Variants in NRP2 observed in about 807,000 individuals in gnomAD.
The protein encoded by NRP2 is neuropilin-2.
A neutral mutation model predicts 110.4 loss-of-function variants in NRP2; 52 were observed. That is an observed-to-expected ratio of 0.47 (90% CI 0.38 to 0.59). The LOEUF (loss-of-function observed/expected upper bound fraction) is 0.59, where lower values mean the gene tolerates loss of function less well. Ranked by LOEUF, NRP2 falls within the 20% of genes least tolerant of loss-of-function variation. NRP2 has a pLI of 0.00. For synonymous variants in NRP2, 508 were observed against 468.9 expected (o/e 1.08, Z -1.08); for missense variants, 1,049 against 1,203.0 (o/e 0.87, Z 1.89).
At chr2:205,790,531 A>T (rs1435288406) in intron 15 of NRP2, among the ~76,000 whole-genome samples, 2 of 152,148 alleles carry the variant, frequency 1.3e-5, no homozygotes, top group Admixed American at 1.3e-4. Flanking sequence ...TTCTCATCCT[A>T]GGCTGATTCA....
intron 12 of NRP2, chr2:205,761,327 A>G (rs111706421): frequency 5.4e-4 from 83 of 152,296 alleles, no homozygotes; most frequent in African/African-American, 2.0e-3. Context: ...AGCAATGTTA[A>G]ACCTTATTAT....
chr2:205,774,893 AGAGT>A (rs1244538078), intron 15 of NRP2, among the ~76,000 whole-genome samples: 1 of 152,136 alleles, frequency 6.6e-6, no homozygotes, highest in Non-Finnish European at 1.5e-5. Context: ...CCTCATGATG[AGAGT>A]GAGTTCCTCT....
At chr2:205,750,169 G>C (rs895047876) in intron 11 of NRP2, among the ~76,000 whole-genome samples, 5 of 152,216 alleles carry the variant, frequency 3.3e-5, no homozygotes, top group Non-Finnish European at 7.3e-5. Flanking sequence ...TGCTAAAGGA[G>C]AACCATTCTT....
At chr2:205,722,365 C>T in intron 3 of NRP2, 113 bp from the exon 4 acceptor site, 1 of 870,024 alleles carries the variant, frequency 1.1e-6, no homozygotes, top group South Asian at 1.4e-5. Context: ...CCAGTAGCAA[C>T]AAAAACCTCA....
chr2:205,749,590 C>A, intron 10 of NRP2, 135 bp from the exon 11 acceptor site: 1 of 735,716 alleles, frequency 1.4e-6, no homozygotes, highest in Non-Finnish European at 2.4e-6. Context: ...TGACAGCACA[C>A]AGACATGACT....
At chr2:205,747,501 G>T (rs557132849) in intron 10 of NRP2, among the ~76,000 whole-genome samples, 1 of 152,264 alleles carries the variant, frequency 6.6e-6, no homozygotes, top group African/African-American at 2.4e-5. Context: ...GAAACAAAAG[G>T]TTCCCAAAGC....
intron 1 of NRP2, among the ~76,000 whole-genome samples, chr2:205,695,816 G>A (rs10184602): frequency 0.017 from 2,534 of 152,228 alleles, 63 homozygotes; most frequent in African/African-American, 0.057. Context: ...TGGCTGGCTA[G>A]ATGACATTAG....
At chr2:205,716,578 G>A (rs1487693173) in intron 3 of NRP2, among the ~76,000 whole-genome samples, 1 of 145,306 alleles carries the variant, frequency 6.9e-6, no homozygotes, top group African/African-American at 2.5e-5. Flanking sequence ...GGCTGTGGGC[G>A]GGGGGGTGGG....
At chr2:205,752,481 C>T in intron 11 of NRP2, 1 of 340,266 alleles carries the variant, frequency 2.9e-6, no homozygotes, top group South Asian at 2.5e-5. Context: ...TCCACCAGGG[C>T]ACTGGGGAGA....
intron 7 of NRP2, 112 bp from the exon 8 acceptor site, chr2:205,740,407 G>A: frequency 8.7e-7 from 1 of 1,154,426 alleles, no homozygotes; most frequent in Non-Finnish European, 1.3e-6. Context: ...TTATTTTTAA[G>A]CTTGAGGGAA....
intron 15 of NRP2, among the ~76,000 whole-genome samples, chr2:205,774,177 C>A (rs535138350): frequency 9.8e-5 from 15 of 152,310 alleles, no homozygotes; most frequent in Admixed American, 7.8e-4. Context: ...CTCTTGGTGA[C>A]CTGAATAATG....
chr2:205,795,035 CA>C lies in NRP2; in HGVS notation c.2762del (p.Lys921SerfsTer15). 1 of 1,614,176 alleles carries C rather than the reference CA, an allele frequency of 6.2e-7. No individual in the cohort carries two copies. Among genetic ancestry groups the C allele is most frequent in the Non-Finnish European group, 8.5e-7 (1 of 1,180,016 alleles). On this transcript the variant is annotated frameshift_variant, in exon 17 of 17. Transcript: ENST00000357785. LOFTEE classifies it high-confidence loss of function. ...TAAGCACAAGGTCAAGATGAACCAC[CA>C]AAAGTGCTGCTCCGAGGCATGACGG... ...GLKHKVKMNHQKCCSEA is the reference protein window; with the variant it reads ...GLKHKVKMNHXKCCSEA
At chr2:205,752,215 T>C (rs2057659056) in intron 11 of NRP2, among the ~76,000 whole-genome samples, 1 of 152,198 alleles carries the variant, frequency 6.6e-6, no homozygotes, top group African/African-American at 2.4e-5. Context: ...TTCGATTTGC[T>C]CTTACCATGC....
intron 12 of NRP2, chr2:205,759,744 A>G (rs1348462322): frequency 6.6e-6 from 1 of 152,142 alleles, no homozygotes; most frequent in African/African-American, 2.4e-5. Flanking sequence ...TGGTCTTTCT[A>G]TCCTTTTTGT....
chr2:205,767,616 A>AT, intron 15 of NRP2: 1 of 306,050 alleles, frequency 3.3e-6, no homozygotes, highest in South Asian at 2.6e-5. Flanking sequence ...GGTGATGGCA[A>AT]TGTTGTTTGT....
chr2:205,687,139 C>G (rs1425381390), intron 1 of NRP2, among the ~76,000 whole-genome samples: 1 of 152,080 alleles, frequency 6.6e-6, no homozygotes, highest in East Asian at 1.9e-4. Context: ...CATGGACACG[C>G]GCAGATTCTC....
intron 15 of NRP2, chr2:205,767,449 A>G (rs1349339231): frequency 1.9e-6 from 1 of 517,728 alleles, no homozygotes; most frequent in East Asian, 5.5e-5. Context: ...AAGGAGGTGC[A>G]TTCGATGACT....
intron 12 of NRP2, among the ~76,000 whole-genome samples, chr2:205,760,133 A>C (rs982483195): frequency 6.6e-6 from 1 of 152,190 alleles, no homozygotes; most frequent in African/African-American, 2.4e-5. Flanking sequence ...AGGGAAGGTG[A>C]CATCAGGGGA....
At chr2:205,741,363 T>C (rs2057438794) in intron 8 of NRP2, among the ~76,000 whole-genome samples, 1 of 152,156 alleles carries the variant, frequency 6.6e-6, no homozygotes, top group South Asian at 2.1e-4. Flanking sequence ...TAACAGACAT[T>C]ACCTGGTGAA....
Sources: allele counts gnomAD v4.1 joint callset (sites outside exome capture counted in the v4.1 genomes callset), GRCh38; gene constraint gnomAD v4.1.1; transcripts MANE v1.5; gene names NCBI Gene and HGNC (gene_info 2026-07-23, HGNC 2026-07-21).